The following SAMD5 variants were observed in gnomAD, a reference collection of about 807,000 sequenced individuals.
SAMD5 encodes the protein sterile alpha motif domain-containing protein 5.
A neutral mutation model predicts 11.3 loss-of-function variants in SAMD5; 13 were observed. The observed-to-expected ratio is 1.15, with a 90% confidence interval of 0.75 to 1.83. SAMD5 has a LOEUF of 1.83. Among genes scored for constraint, SAMD5 ranks in the 40% most tolerant of loss-of-function variants. SAMD5 has a pLI of 0.00. For synonymous variants in SAMD5, 129 were observed against 111.3 expected (o/e 1.16, Z -1.00); for missense variants, 255 against 239.1 (o/e 1.07, Z -0.44).
chr6:147,946,323 T>C, the SAMD5 span, among the ~76,000 whole-genome samples: 1 of 152,208 alleles, frequency 6.6e-6, no homozygotes, highest in Non-Finnish European at 1.5e-5. Flanking sequence ...ACATGAGTGT[T>C]GTTTTTGTAA....
chr6:147,715,372 G>A (rs1017879028), intron 1 of SAMD5, among the ~76,000 whole-genome samples: 1 of 152,202 alleles, frequency 6.6e-6, no homozygotes, highest in African/African-American at 2.4e-5. Context: ...CATGGGTGCC[G>A]GCTCCCTCTG....
chr6:147,856,182 T>C, the SAMD5 span, among the ~76,000 whole-genome samples: 1 of 152,204 alleles, frequency 6.6e-6, no homozygotes, highest in Non-Finnish European at 1.5e-5. Flanking sequence ...CACAAAGATG[T>C]GAGCATATTG....
the SAMD5 span, among the ~76,000 whole-genome samples, chr6:147,769,445 A>C: frequency 4.6e-5 from 7 of 151,940 alleles, no homozygotes; most frequent in Non-Finnish European, 7.4e-5. Flanking sequence ...TTCCACTCCC[A>C]TTTCCTCCCA....
At chr6:147,700,823 A>T (rs1791244118) in intron 1 of SAMD5, among the ~76,000 whole-genome samples, 1 of 152,262 alleles carries the variant, frequency 6.6e-6, no homozygotes, top group Non-Finnish European at 1.5e-5. Context: ...CTGAAGTCAC[A>T]GATTAAATTA....
intron 1 of SAMD5, among the ~76,000 whole-genome samples, chr6:147,554,804 A>G (rs1342276285): frequency 6.6e-6 from 1 of 152,196 alleles, no homozygotes; most frequent in Non-Finnish European, 1.5e-5. Context: ...TGGACGCTTG[A>G]TGCTGATTTT....
At chr6:147,930,732 C>A in the SAMD5 span, among the ~76,000 whole-genome samples, 65 of 152,116 alleles carry the variant, frequency 4.3e-4, 1 homozygote, top group Non-Finnish European at 7.2e-4. Flanking sequence ...AGTCCGAAGG[C>A]CAAAGACCCT....
the SAMD5 span, among the ~76,000 whole-genome samples, chr6:147,882,010 G>GTT: frequency 6.6e-6 from 1 of 152,128 alleles, no homozygotes; most frequent in Non-Finnish European, 1.5e-5. Context: ...ACCTAAAAGG[G>GTT]TTTTTCTTCC....
chr6:147,672,860 A>T (rs1790813143), intron 1 of SAMD5, among the ~76,000 whole-genome samples: 1 of 151,986 alleles, frequency 6.6e-6, no homozygotes, highest in South Asian at 2.1e-4. Context: ...TTCACAATTT[A>T]TTTATTTATT....
intron 1 of SAMD5, among the ~76,000 whole-genome samples, chr6:147,535,339 A>G (rs1788492072): frequency 6.6e-6 from 1 of 152,248 alleles, no homozygotes; most frequent in Non-Finnish European, 1.5e-5. Flanking sequence ...ACAGCCTACT[A>G]TAAGGTAAAT....
intron 1 of SAMD5, among the ~76,000 whole-genome samples, chr6:147,694,577 G>C (rs1463972384): frequency 1.3e-5 from 2 of 151,844 alleles, no homozygotes; most frequent in African/African-American, 4.8e-5. Context: ...TCAACTTTGG[G>C]AGGCCAAGGT....
At chr6:147,625,804 A>G (rs1790042022) in intron 1 of SAMD5, among the ~76,000 whole-genome samples, 1 of 152,220 alleles carries the variant, frequency 6.6e-6, no homozygotes. Context: ...TCTTTAGAGA[A>G]AGAGTTTGCT....
chr6:147,572,431 T>C (rs1789150506), downstream of SAMD5, among the ~76,000 whole-genome samples: 1 of 152,178 alleles, frequency 6.6e-6, no homozygotes, highest in Non-Finnish European at 1.5e-5. Context: ...GGTTTTCTGT[T>C]GCAGAAATGT....
chr6:147,521,716 A>G (rs1418775073), intron 1 of SAMD5, among the ~76,000 whole-genome samples: 1 of 152,122 alleles, frequency 6.6e-6, no homozygotes, highest in African/African-American at 2.4e-5. Context: ...TCTGACTAAT[A>G]TTTATAATGT....
the SAMD5 span, among the ~76,000 whole-genome samples, chr6:147,757,870 C>T: frequency 6.6e-6 from 1 of 152,122 alleles, no homozygotes; most frequent in Non-Finnish European, 1.5e-5. Flanking sequence ...AAGAGAGTGA[C>T]TTCTTTAACT....
intron 1 of SAMD5, among the ~76,000 whole-genome samples, chr6:147,693,680 T>C (rs190945915): frequency 5.3e-5 from 8 of 152,260 alleles, no homozygotes; most frequent in Non-Finnish European, 7.4e-5. Context: ...ATCAGAAAGA[T>C]TGGGGCCGGG....
chr6:147,731,601 C>T (rs12528719), intron 1 of SAMD5, among the ~76,000 whole-genome samples: 28 of 141,718 alleles, frequency 2.0e-4, no homozygotes, highest in Admixed American at 1.4e-3. Context: ...GAATAATCTA[C>T]GTTTAAAATT....
At chr6:147,792,346 G>C in the SAMD5 span, among the ~76,000 whole-genome samples, 2 of 152,178 alleles carry the variant, frequency 1.3e-5, no homozygotes, top group Non-Finnish European at 2.9e-5. Context: ...GTGGAAGTCA[G>C]ATGTTTTCTT....
chr6:147,844,540 C>G, the SAMD5 span, among the ~76,000 whole-genome samples: 1 of 152,188 alleles, frequency 6.6e-6, no homozygotes, highest in East Asian at 1.9e-4. Context: ...TCTGCACTCC[C>G]ACATTCACTG....
At chr6:147,794,995 A>T in the SAMD5 span, among the ~76,000 whole-genome samples, 1 of 152,100 alleles carries the variant, frequency 6.6e-6, no homozygotes, top group Non-Finnish European at 1.5e-5. Context: ...TATGTACTAT[A>T]CACCAGAAAT....
Sources: allele counts gnomAD v4.1 joint callset (sites outside exome capture counted in the v4.1 genomes callset), GRCh38; gene constraint gnomAD v4.1.1; transcripts MANE v1.5; gene names NCBI Gene and HGNC (gene_info 2026-07-23, HGNC 2026-07-21).